The following ANO3 variants were observed in gnomAD, a reference collection of about 807,000 sequenced individuals.
The protein encoded by ANO3 is anoctamin 3.
ANO3 carries 99 observed loss-of-function variants against 144.8 expected under a neutral mutation model. The observed-to-expected ratio is 0.68, with a 90% CI of 0.58 to 0.81. The LOEUF (loss-of-function observed/expected upper bound fraction) is 0.81. Ranked by LOEUF, ANO3 falls within the 30% of genes least tolerant of loss-of-function variation. The pLI, the probability that ANO3 is intolerant of heterozygous loss-of-function variation, is 0.00. For synonymous variants in ANO3, 414 were observed against 392.6 expected (o/e 1.05, Z -0.64); for missense variants, 905 against 1,202.2 (o/e 0.75, Z 3.66).
At chr11:26,194,452 G>GTGTA (rs752698297) in intron 1 of ANO3, among the ~76,000 whole-genome samples, 3,666 of 147,594 alleles carry the variant, frequency 0.025, 106 homozygotes, top group African/African-American at 0.032. Flanking sequence ...GTGTGTGTGT[G>GTGTA]TGTGTGTGTG....
In ANO3 at chr11:26,595,487, T is replaced by TTTA. The variant is rs1435173152; in HGVS notation, c.1448-2878_1448-2877insTTA. 1.1e-4 allele frequency among the ~76,000 whole-genome samples: 14 copies of TTTA among 132,646 alleles called. No individual in the cohort carries two copies. In the East Asian group the frequency reaches 3.2e-3, roughly 30 times the overall value. The allele number at this position is 132,646 out of a possible 152,430, so 87.0% of individuals were successfully genotyped here. On this transcript the variant is annotated intron_variant, in intron 14 of 26. Transcript: ENST00000256737. ...TTTTTTTTTTTTTTTTTTTTTTTTT[T>TTTA]ATTCTGTAAGTACTTTAAGGCTTGG... is the stretch of plus-strand genomic sequence containing the variant.
At chr11:26,340,528 C>G (rs1225159884) in intron 1 of ANO3, among the ~76,000 whole-genome samples, 1 of 152,184 alleles carries the variant, frequency 6.6e-6, no homozygotes, top group Non-Finnish European at 1.5e-5. Flanking sequence ...CGAATCTAAA[C>G]TCCAGAGGAG....
rs192163360 is a variant in ANO3, at chr11:26,224,840, G to A, written c.154+35510G>A. Among the ~76,000 whole-genome samples the A allele has an allele frequency of 1.2e-4, 19 of 152,270 alleles. No individual in the cohort carries two copies. In the East Asian group the frequency reaches 2.7e-3, roughly 22 times the overall value. On this transcript the variant is annotated intron_variant, in intron 1 of 27. Transcript: ENST00000672621. ...GGCTTTGATCCATCTGACTGGCATC[G>A]GGGCAACCAAAGTGCAAACAAGAGG... is the stretch of plus-strand genomic sequence containing the variant.
At chr11:26,370,762 C>A (rs1284892667) in intron 1 of ANO3, among the ~76,000 whole-genome samples, 1 of 152,144 alleles carries the variant, frequency 6.6e-6, no homozygotes, top group East Asian at 1.9e-4. Context: ...GAGTAAAGGT[C>A]ACTCTTGTTA....
chr11:26,579,934 G>A (rs1262504987), intron 14 of ANO3, among the ~76,000 whole-genome samples: 1 of 152,020 alleles, frequency 6.6e-6, no homozygotes, highest in Admixed American at 6.6e-5. Flanking sequence ...TGTAGAATAT[G>A]TAACAACATG....
chr11:26,320,189 C>T (rs1043734110), intron 1 of ANO3, among the ~76,000 whole-genome samples: 2 of 152,172 alleles, frequency 1.3e-5, no homozygotes, highest in Non-Finnish European at 2.9e-5. Context: ...CTGGGAAGAA[C>T]AAGTTCTAAC....
At chr11:26,324,339 G>A (rs547047280) in intron 1 of ANO3, among the ~76,000 whole-genome samples, 6 of 152,224 alleles carry the variant, frequency 3.9e-5, no homozygotes, top group Middle Eastern at 3.4e-3. Flanking sequence ...TGTGCAAGCC[G>A]GAAGTGAAGG....
chr11:26,249,561 T>C (rs1436876255), intron 1 of ANO3, among the ~76,000 whole-genome samples: 2 of 152,206 alleles, frequency 1.3e-5, no homozygotes, highest in East Asian at 1.9e-4. Context: ...AATTAACTCA[T>C]GATTTTTTTT....
chr11:26,299,501 A>C (rs986869801), intron 1 of ANO3, among the ~76,000 whole-genome samples: 1 of 152,180 alleles, frequency 6.6e-6, no homozygotes, highest in Non-Finnish European at 1.5e-5. Context: ...AAATAAGTTG[A>C]GAAGAAGCCA....
At chr11:26,403,098 G>T (rs1857191779) in intron 1 of ANO3, among the ~76,000 whole-genome samples, 1 of 151,760 alleles carries the variant, frequency 6.6e-6, no homozygotes, top group African/African-American at 2.4e-5. Flanking sequence ...TCCAGACTTT[G>T]CTGACTGCAT....
chr11:26,368,684 G>A (rs967776763), intron 1 of ANO3, among the ~76,000 whole-genome samples: 8 of 151,954 alleles, frequency 5.3e-5, no homozygotes, highest in South Asian at 2.1e-4. Flanking sequence ...GTGTGTGTGC[G>A]TGTGTGTATG....
intron 1 of ANO3, among the ~76,000 whole-genome samples, chr11:26,364,745 C>T (rs973279030): frequency 5.9e-5 from 9 of 152,164 alleles, no homozygotes; most frequent in African/African-American, 1.7e-4. Context: ...AATCCACCCC[C>T]GTGATCAAAT....
At chr11:26,463,588 G>T (rs1487751310) in intron 4 of ANO3, among the ~76,000 whole-genome samples, 1 of 151,928 alleles carries the variant, frequency 6.6e-6, no homozygotes, top group Non-Finnish European at 1.5e-5. Context: ...TGCTTGACAA[G>T]ATTATTGGAA....
chr11:26,478,649 G>T (rs1457009609), intron 4 of ANO3, among the ~76,000 whole-genome samples: 1 of 152,102 alleles, frequency 6.6e-6, no homozygotes. Context: ...AGCAAAATAT[G>T]CAGGAAGTCA....
chr11:26,512,291 T>A (rs1861695227), intron 5 of ANO3, among the ~76,000 whole-genome samples: 1 of 152,200 alleles, frequency 6.6e-6, no homozygotes, highest in African/African-American at 2.4e-5. Flanking sequence ...GAATCTCCTT[T>A]CTCTTGGGAA....
At chr11:26,332,371 G>C in intron 1 of ANO3, 50 bp downstream of exon 1, 1 of 1,582,802 alleles carries the variant, frequency 6.3e-7, no homozygotes, top group Non-Finnish European at 8.7e-7. Flanking sequence ...CTTCCCCCCT[G>C]CATGCCCTTG....
intron 1 of ANO3, among the ~76,000 whole-genome samples, chr11:26,301,335 T>C (rs573795568): frequency 7.9e-5 from 12 of 152,352 alleles, no homozygotes; most frequent in African/African-American, 2.9e-4. Flanking sequence ...AATTGAGCTT[T>C]CTGAGTCTGT....
intron 4 of ANO3, among the ~76,000 whole-genome samples, chr11:26,498,492 T>C (rs1208769539): frequency 6.6e-6 from 1 of 150,852 alleles, no homozygotes; most frequent in African/African-American, 2.4e-5. Context: ...ATTGTTATTA[T>C]GAATATAGTC....
intron 1 of ANO3, among the ~76,000 whole-genome samples, chr11:26,202,085 T>C (rs1188198953): frequency 2.0e-5 from 3 of 151,114 alleles, no homozygotes; most frequent in Non-Finnish European, 3.0e-5. Context: ...CCCCTGGAGA[T>C]TGGGTTCAAG....
Sources: allele counts gnomAD v4.1 joint callset (sites outside exome capture counted in the v4.1 genomes callset), GRCh38; gene constraint gnomAD v4.1.1; transcripts MANE v1.5; gene names NCBI Gene and HGNC (gene_info 2026-07-23, HGNC 2026-07-21).